FSHR: variants seen among roughly 807,000 people sequenced by gnomAD.
FSHR encodes follicle-stimulating hormone receptor.
A neutral mutation model predicts 52.1 loss-of-function variants in FSHR; 46 were observed. The observed-to-expected ratio is 0.88, with a 90% CI of 0.70 to 1.13. The LOEUF is 1.13. Among genes scored for constraint, FSHR ranks in the 50% most tolerant of loss-of-function variants. The probability of loss-of-function intolerance (pLI) is 0.00; values close to 1 mark genes in which losing one functional copy is unlikely to be tolerated. For missense variants in FSHR, 964 were observed against 834.6 expected (o/e 1.16, Z -1.91); for synonymous variants, 399 against 309.6 (o/e 1.29, Z -3.03).
intron 1 of FSHR, among the ~76,000 whole-genome samples, chr2:49,077,018 T>G (rs1669975774): frequency 6.6e-6 from 1 of 152,144 alleles, no homozygotes; most frequent in Non-Finnish European, 1.5e-5. Flanking sequence ...TGTCGGTGGA[T>G]CTACCATTCT....
intron 1 of FSHR, among the ~76,000 whole-genome samples, chr2:49,144,330 C>G (rs931049980): frequency 4.6e-5 from 7 of 152,170 alleles, no homozygotes; most frequent in Admixed American, 1.3e-4. Context: ...AATCTTACCC[C>G]AAACATCTGC....
At chr2:49,109,082 A>G (rs1671336665) in intron 1 of FSHR, among the ~76,000 whole-genome samples, 3 of 150,314 alleles carry the variant, frequency 2.0e-5, no homozygotes, top group Admixed American at 2.0e-4. Flanking sequence ...ATGAGACAGG[A>G]AAAGGTATGC....
At chr2:49,105,715 G>T (rs893166306) in intron 1 of FSHR, among the ~76,000 whole-genome samples, 1 of 152,078 alleles carries the variant, frequency 6.6e-6, no homozygotes, top group Non-Finnish European at 1.5e-5. Flanking sequence ...TTTGTGAGCC[G>T]TGCTCTACTG....
chr2:49,104,649 G>C (rs1188706807), intron 1 of FSHR, among the ~76,000 whole-genome samples: 2 of 152,158 alleles, frequency 1.3e-5, no homozygotes, highest in Non-Finnish European at 2.9e-5. Context: ...AGTGGCATGA[G>C]AAAGAGATTG....
chr2:49,024,102 C>T (rs530656483), intron 2 of FSHR, among the ~76,000 whole-genome samples: 2 of 152,066 alleles, frequency 1.3e-5, no homozygotes, highest in South Asian at 4.2e-4. Context: ...TGTTTTATTC[C>T]GAGTAGAGTT....
intron 1 of FSHR, among the ~76,000 whole-genome samples, chr2:49,075,956 A>T (rs1669936373): frequency 6.6e-6 from 1 of 152,196 alleles, no homozygotes; most frequent in Non-Finnish European, 1.5e-5. Flanking sequence ...TAGATTTGAA[A>T]AATCAGAAAA....
intron 6 of FSHR, 30 bp from the exon 7 acceptor site, chr2:48,983,196 T>C (rs748458068): frequency 8.2e-6 from 13 of 1,589,804 alleles, no homozygotes; most frequent in Admixed American, 1.7e-5. Context: ...AAAAAACCAA[T>C]AATGTCAGAT....
chr2:49,107,582 T>A (rs1007244701), intron 1 of FSHR, among the ~76,000 whole-genome samples: 1 of 152,150 alleles, frequency 6.6e-6, no homozygotes, highest in Non-Finnish European at 1.5e-5. Flanking sequence ...GGTTATAGAA[T>A]GAAAACTGAT....
intron 1 of FSHR, among the ~76,000 whole-genome samples, chr2:49,071,474 T>C (rs1433727318): frequency 3.9e-5 from 6 of 152,178 alleles, no homozygotes; most frequent in Non-Finnish European, 8.8e-5. Context: ...TCTGAACAAA[T>C]TTAATTAGCT....
chr2:48,972,493 G>A (rs1379967845), intron 8 of FSHR, among the ~76,000 whole-genome samples: 1 of 152,108 alleles, frequency 6.6e-6, no homozygotes, highest in Non-Finnish European at 1.5e-5. Flanking sequence ...CATTGTTTTA[G>A]AGATTTCCAA....
intron 2 of FSHR, among the ~76,000 whole-genome samples, chr2:49,053,810 C>G (rs1158183061): frequency 6.6e-6 from 1 of 152,142 alleles, no homozygotes; most frequent in African/African-American, 2.4e-5. Flanking sequence ...TTTTCCCAAT[C>G]ATTTTAACAA....
At chr2:48,968,201 C>G (rs1367594809) in intron 9 of FSHR, among the ~76,000 whole-genome samples, 1 of 152,100 alleles carries the variant, frequency 6.6e-6, no homozygotes, top group African/African-American at 2.4e-5. Context: ...CTTTATCCTC[C>G]CTGTGAGGTA....
intron 1 of FSHR, among the ~76,000 whole-genome samples, chr2:49,110,177 G>T (rs1053435816): frequency 2.0e-5 from 3 of 152,138 alleles, no homozygotes; most frequent in African/African-American, 4.8e-5. Flanking sequence ...CTTCCTATAT[G>T]CCAAGCATGG....
chr2:49,118,083 C>CCA (rs1671671096), intron 1 of FSHR, among the ~76,000 whole-genome samples: 1 of 152,094 alleles, frequency 6.6e-6, no homozygotes, highest in Non-Finnish European at 1.5e-5. Context: ...TCTGAGGCAT[C>CCA]TCTTTGAAAA....
At chr2:48,969,688 A>G (rs1362586999) in intron 8 of FSHR, among the ~76,000 whole-genome samples, 8 of 152,206 alleles carry the variant, frequency 5.3e-5, no homozygotes, top group Middle Eastern at 3.2e-3. Context: ...TGTGAGAGAG[A>G]GAAAGTTGTT....
chr2:49,013,898 T>G (rs1307084432), intron 4 of FSHR, among the ~76,000 whole-genome samples: 1 of 152,036 alleles, frequency 6.6e-6, no homozygotes, highest in Non-Finnish European at 1.5e-5. Context: ...CACAATAGGA[T>G]GAATGCCCTT....
At chr2:49,105,827 G>T (rs1023683854) in intron 1 of FSHR, among the ~76,000 whole-genome samples, 1 of 152,040 alleles carries the variant, frequency 6.6e-6, no homozygotes, top group Non-Finnish European at 1.5e-5. Flanking sequence ...ACCATGTGAG[G>T]CTGGCTGTAT....
chr2:49,117,452 G>C (rs1230257832), intron 1 of FSHR, among the ~76,000 whole-genome samples: 2 of 152,226 alleles, frequency 1.3e-5, no homozygotes, highest in Admixed American at 1.3e-4. Context: ...TAGTTTCTAA[G>C]TGGATAGTCA....
chr2:49,038,350 A>G (rs751708156), intron 2 of FSHR, among the ~76,000 whole-genome samples: 1 of 152,112 alleles, frequency 6.6e-6, no homozygotes, highest in Non-Finnish European at 1.5e-5. Flanking sequence ...GGCTGTGCGC[A>G]GTGGCTCACG....
Sources: allele counts gnomAD v4.1 joint callset (sites outside exome capture counted in the v4.1 genomes callset), GRCh38; gene constraint gnomAD v4.1.1; transcripts MANE v1.5; gene names NCBI Gene and HGNC (gene_info 2026-07-23, HGNC 2026-07-21).